Variants in MED13L observed in about 807,000 individuals in gnomAD.
The protein encoded by MED13L is mediator complex subunit 13L, also known as mediator of RNA polymerase II transcription subunit 13-like.
Under a neutral mutation model 220.9 loss-of-function variants are expected in MED13L, and 7 were observed. That is an observed-to-expected ratio of 0.03 (90% CI 0.02 to 0.06). The LOEUF is 0.06. Among genes scored for constraint, MED13L ranks in the 10% least tolerant of loss-of-function variants. MED13L has a pLI of 1.00. For missense variants in MED13L, 1,965 were observed against 2,760.5 expected (o/e 0.71, Z 6.46); for synonymous variants, 1,011 against 1,015.2 (o/e 1.00, Z 0.08).
At chr12:116,114,159 A>G (rs1415925473) in intron 2 of MED13L, among the ~76,000 whole-genome samples, 3 of 152,220 alleles carry the variant, frequency 2.0e-5, no homozygotes, top group East Asian at 3.9e-4. Flanking sequence ...ACCTGTCTTA[A>G]TATCTCATAT....
chr12:116,240,618 C>T (rs1247866582), intron 1 of MED13L, among the ~76,000 whole-genome samples: 2 of 151,548 alleles, frequency 1.3e-5, no homozygotes, highest in African/African-American at 2.4e-5. Context: ...CAGCAAGTTC[C>T]GCCTCCTGGG....
At chr12:116,102,703 CTTTTTT>C (rs1873178991) in intron 3 of MED13L, among the ~76,000 whole-genome samples, 915 of 63,196 alleles carry the variant, frequency 0.014, 18 homozygotes, top group African/African-American at 0.043. Flanking sequence ...TTTTCTTTTT[CTTTTTT>C]CTTTTTTTTT....
chr12:116,187,861 TTTTC>T (rs1326903296), intron 2 of MED13L, among the ~76,000 whole-genome samples: 2 of 151,840 alleles, frequency 1.3e-5, no homozygotes, highest in Admixed American at 6.6e-5. Flanking sequence ...GTACTGCTTT[TTTTC>T]TTTTTCTTTT....
At chr12:116,222,523 A>G (rs1672443055) in intron 2 of MED13L, among the ~76,000 whole-genome samples, 1 of 152,190 alleles carries the variant, frequency 6.6e-6, no homozygotes, top group South Asian at 2.1e-4. Context: ...ACAGAAAAAG[A>G]GAATGAGAGA....
intron 4 of MED13L, among the ~76,000 whole-genome samples, chr12:116,057,234 C>T (rs1019594210): frequency 2.0e-5 from 3 of 152,088 alleles, no homozygotes; most frequent in Non-Finnish European, 4.4e-5. Flanking sequence ...GTGAGGCAGA[C>T]AGGAGTCCCA....
At chr12:116,238,710 T>C (rs965174088) in intron 1 of MED13L, among the ~76,000 whole-genome samples, 4 of 151,982 alleles carry the variant, frequency 2.6e-5, no homozygotes, top group African/African-American at 9.7e-5. Context: ...CTAACATAAT[T>C]GAAACATATT....
chr12:116,027,989 C>T (rs979264055), intron 4 of MED13L, among the ~76,000 whole-genome samples: 2 of 152,048 alleles, frequency 1.3e-5, no homozygotes, highest in Non-Finnish European at 2.9e-5. Context: ...AAGTAAAATT[C>T]CGGTGTTTTC....
intron 4 of MED13L, among the ~76,000 whole-genome samples, chr12:116,076,734 T>G (rs1204185311): frequency 3.9e-5 from 6 of 152,120 alleles, no homozygotes; most frequent in Non-Finnish European, 5.9e-5. Flanking sequence ...TTAAAGCTAT[T>G]TTTTTAATCT....
rs192764326 is a variant in MED13L, at chr12:115,998,036, C to T, written c.2570-806G>A. 1.2e-3 allele frequency among the ~76,000 whole-genome samples: 183 copies of T among 152,280 alleles called. 1 individual carries two copies. The highest frequency in any genetic ancestry group is 4.1e-3 in the African/African-American group (170 of 41,566). On this transcript the variant is annotated intron_variant, in intron 14 of 30. Coordinates refer to ENST00000281928, the MANE Select transcript of MED13L (RefSeq NM_015335.5). ...ACTCACAGCTGCTCTTTTGGGGAAA[C>T]AGTTCCATATTTTTTCCAGACAGAT...
At chr12:116,053,159 G>C (rs1357679720) in intron 4 of MED13L, among the ~76,000 whole-genome samples, 1 of 152,036 alleles carries the variant, frequency 6.6e-6, no homozygotes, top group Non-Finnish European at 1.5e-5. Flanking sequence ...TTATTAAAAA[G>C]TAAAAAATTC....
intron 9 of MED13L, among the ~76,000 whole-genome samples, chr12:116,009,609 C>G (rs1411903815): frequency 6.6e-6 from 1 of 152,140 alleles, no homozygotes; most frequent in African/African-American, 2.4e-5. Context: ...ACTACTCTGC[C>G]TCAAAGTGTG....
At chr12:116,156,288 T>G (rs1256226081) in intron 2 of MED13L, among the ~76,000 whole-genome samples, 2 of 151,666 alleles carry the variant, frequency 1.3e-5, no homozygotes, top group Admixed American at 1.3e-4. Flanking sequence ...GAAGCATATA[T>G]TATACATAAG....
At chr12:116,150,726 A>C (rs1877971765) in intron 2 of MED13L, among the ~76,000 whole-genome samples, 1 of 152,238 alleles carries the variant, frequency 6.6e-6, no homozygotes, top group Non-Finnish European at 1.5e-5. Flanking sequence ...GCCAGAAAAT[A>C]GTGAAAACTT....
intron 9 of MED13L, among the ~76,000 whole-genome samples, chr12:116,012,479 T>A (rs1879470047): frequency 6.6e-6 from 1 of 152,204 alleles, no homozygotes. Context: ...AATGTATCTC[T>A]ACTTTAAAAT....
intron 2 of MED13L, among the ~76,000 whole-genome samples, chr12:116,138,102 C>T (rs1158446592): frequency 1.3e-5 from 2 of 152,082 alleles, no homozygotes; most frequent in Non-Finnish European, 1.5e-5. Context: ...GCAATCCGCC[C>T]GCCTCAGCCT....
chr12:116,179,213 G>C (rs1880310236), intron 2 of MED13L, among the ~76,000 whole-genome samples: 1 of 150,638 alleles, frequency 6.6e-6, no homozygotes, highest in African/African-American at 2.5e-5. Context: ...ACGTGTGTGT[G>C]TGTGTGTGTG....
intron 2 of MED13L, among the ~76,000 whole-genome samples, chr12:116,132,115 CA>C (rs1409787245): frequency 1.3e-5 from 2 of 151,682 alleles, no homozygotes; most frequent in African/African-American, 2.4e-5. Flanking sequence ...CCCGTCTCTA[CA>C]AAAGTACAAA....
intron 25 of MED13L, among the ~76,000 whole-genome samples, chr12:115,974,944 T>G (rs1277698576): frequency 6.6e-6 from 1 of 152,228 alleles, no homozygotes; most frequent in Non-Finnish European, 1.5e-5. Context: ...TAAAACCCTC[T>G]TTTTGTTTTA....
At chr12:116,159,060 A>C (rs1472738866) in intron 2 of MED13L, among the ~76,000 whole-genome samples, 1 of 152,180 alleles carries the variant, frequency 6.6e-6, no homozygotes, top group African/African-American at 2.4e-5. Context: ...ACTTCAACAA[A>C]CAAAAAATCA....
Sources: gnomAD v4.1 joint callset for allele counts (sites outside exome capture counted in the v4.1 genomes callset) on GRCh38, gnomAD v4.1.1 for gene constraint, MANE v1.5 for transcripts, NCBI Gene and HGNC (gene_info 2026-07-23, HGNC 2026-07-21) for gene names.